LRRC37A2: variants seen among roughly 807,000 people sequenced by gnomAD.
The protein encoded by LRRC37A2 is leucine rich repeat containing 37 member A2.
A neutral mutation model predicts 68.8 loss-of-function variants in LRRC37A2; 9 were observed. The ratio of observed to expected loss-of-function variants is 0.13; its 90% CI spans 0.08 to 0.23. The LOEUF is 0.23. Ranked by LOEUF, LRRC37A2 falls within the 10% of genes least tolerant of loss-of-function variation. The probability of loss-of-function intolerance (pLI) is 1.00; values close to 1 mark genes in which losing one functional copy is unlikely to be tolerated. For synonymous variants in LRRC37A2, 63 were observed against 367.6 expected (o/e 0.17, Z 9.48); for missense variants, 168 against 950.4 (o/e 0.18, Z 10.82).
the LRRC37A2 span, among the ~76,000 whole-genome samples, chr17:46,786,483 A>C: frequency 6.6e-6 from 1 of 152,218 alleles, no homozygotes; most frequent in Non-Finnish European, 1.5e-5. Context: ...CTCACTCTTC[A>C]GACCCCAGAG....
chr17:46,959,635 C>T, the LRRC37A2 span, among the ~76,000 whole-genome samples: 1 of 152,148 alleles, frequency 6.6e-6, no homozygotes, highest in Non-Finnish European at 1.5e-5. Flanking sequence ...CTTTTCATAC[C>T]AACTCCCATG....
At chr17:46,936,312 C>G in the LRRC37A2 span, 1 of 985,060 alleles carries the variant, frequency 1.0e-6, no homozygotes. Context: ...TGATGAAGAG[C>G]CAGTGGGGGT....
the LRRC37A2 span, among the ~76,000 whole-genome samples, chr17:46,900,641 G>A: frequency 6.6e-6 from 1 of 152,258 alleles, no homozygotes; most frequent in African/African-American, 2.4e-5. Context: ...TTAGGAAAGA[G>A]TGTATACCCG....
chr17:46,984,815 A>T, the LRRC37A2 span, among the ~76,000 whole-genome samples: 1 of 152,238 alleles, frequency 6.6e-6, no homozygotes, highest in Non-Finnish European at 1.5e-5. Context: ...AGCCATTTTA[A>T]TGAAGAGATA....
the LRRC37A2 span, chr17:46,768,212 CT>C: frequency 6.5e-7 from 1 of 1,546,572 alleles, no homozygotes. This position sits in a 1 kb window ranked among gnomAD's most constrained non-coding sequence, Gnocchi z 5.0. Context: ...TCTTGGATAG[CT>C]TAGAAACAGA....
chr17:46,972,021 A>AGG, the LRRC37A2 span, among the ~76,000 whole-genome samples: 1 of 152,008 alleles, frequency 6.6e-6, no homozygotes, highest in Non-Finnish European at 1.5e-5. Context: ...CGTGGGGGAG[A>AGG]GGGGGGACCT....
the LRRC37A2 span, among the ~76,000 whole-genome samples, chr17:46,982,887 GCTT>G: frequency 2.0e-5 from 3 of 152,328 alleles, no homozygotes; most frequent in East Asian, 5.8e-4. Flanking sequence ...CGAGGGGAAG[GCTT>G]TATAGCGGAA....
At chr17:46,534,948 G>T (rs1191610221) in intron 6 of LRRC37A2, among the ~76,000 whole-genome samples, 1 of 149,532 alleles carries the variant, frequency 6.7e-6, no homozygotes, top group African/African-American at 2.5e-5. Flanking sequence ...GCCAGGCGTA[G>T]GGGCTCCTCA....
At chr17:46,919,977 T>A in the LRRC37A2 span, among the ~76,000 whole-genome samples, 1 of 151,662 alleles carries the variant, frequency 6.6e-6, no homozygotes, top group African/African-American at 2.4e-5. Flanking sequence ...GAAAAAAAAA[T>A]TCCTATGATC....
the LRRC37A2 span, among the ~76,000 whole-genome samples, chr17:46,802,119 C>G: frequency 6.6e-6 from 1 of 152,220 alleles, no homozygotes; most frequent in Non-Finnish European, 1.5e-5. Context: ...TCCCAGCGTA[C>G]AACTCCTAAA....
the LRRC37A2 span, among the ~76,000 whole-genome samples, chr17:46,811,324 A>G: frequency 6.6e-6 from 1 of 152,132 alleles, no homozygotes; most frequent in East Asian, 1.9e-4. Context: ...AGGTATGGAA[A>G]CAGAATGGGG....
At chr17:47,027,730 A>C in the LRRC37A2 span, 263 of 608,108 alleles carry the variant, frequency 4.3e-4, 1 homozygote, top group Non-Finnish European at 7.0e-4. Context: ...TACCAGTAGA[A>C]AGCTACTAAA....
the LRRC37A2 span, among the ~76,000 whole-genome samples, chr17:46,749,578 C>A: frequency 6.6e-6 from 1 of 152,100 alleles, no homozygotes; most frequent in Non-Finnish European, 1.5e-5. Flanking sequence ...CACATGTTGC[C>A]ACTTTCTGAA....
chr17:46,889,565 C>T, the LRRC37A2 span, among the ~76,000 whole-genome samples: 89 of 152,186 alleles, frequency 5.8e-4, no homozygotes, highest in Non-Finnish European at 1.0e-3. Context: ...CTAATTAAGA[C>T]CTCTGACTTC....
At chr17:47,017,159 T>C in the LRRC37A2 span, 1 of 1,607,808 alleles carries the variant, frequency 6.2e-7, no homozygotes. Flanking sequence ...GGACTCACGC[T>C]TACAAGGGGC....
chr17:46,848,767 G>T, the LRRC37A2 span, among the ~76,000 whole-genome samples: 4 of 152,342 alleles, frequency 2.6e-5, no homozygotes, highest in East Asian at 5.8e-4. Flanking sequence ...CTAGGGCTGG[G>T]CTCAATTCCT....
chr17:47,012,410 T>TG, the LRRC37A2 span, among the ~76,000 whole-genome samples: 2 of 152,030 alleles, frequency 1.3e-5, no homozygotes, highest in Admixed American at 6.6e-5. Flanking sequence ...TTAAAAACTT[T>TG]GGGGCTTCAA....
the LRRC37A2 span, among the ~76,000 whole-genome samples, chr17:46,799,486 T>A: frequency 6.7e-6 from 1 of 149,558 alleles, no homozygotes; most frequent in Non-Finnish European, 1.5e-5. Flanking sequence ...CTCACTCTGT[T>A]GCCCAGGCTG....
the LRRC37A2 span, among the ~76,000 whole-genome samples, chr17:46,800,548 A>G: frequency 6.6e-6 from 1 of 152,232 alleles, no homozygotes; most frequent in Non-Finnish European, 1.5e-5. Context: ...ACAGATGCAC[A>G]TGAAGAGGTA....
Sources: allele counts gnomAD v4.1 joint callset (sites outside exome capture counted in the v4.1 genomes callset), GRCh38; gene constraint gnomAD v4.1.1; non-coding constraint Gnocchi (gnomAD v3.1); transcripts MANE v1.5; gene names NCBI Gene and HGNC (gene_info 2026-07-23, HGNC 2026-07-21).